AGPAT2: variants seen among roughly 807,000 people sequenced by gnomAD.
AGPAT2 encodes 1-acylglycerol-3-phosphate O-acyltransferase 2, also known as 1-acyl-sn-glycerol-3-phosphate acyltransferase beta.
In AGPAT2, 18 loss-of-function variants were observed where a neutral mutation model predicts 26.1. The ratio of observed to expected loss-of-function variants is 0.69; its 90% CI spans 0.48 to 1.02. AGPAT2 has a LOEUF of 1.02. Ranked by LOEUF, AGPAT2 falls within the 50% of genes least tolerant of loss-of-function variation. The pLI, the probability that AGPAT2 is intolerant of heterozygous loss-of-function variation, is 0.00. For synonymous variants in AGPAT2, 200 were observed against 174.2 expected (o/e 1.15, Z -1.16); for missense variants, 415 against 394.9 (o/e 1.05, Z -0.43).
intron 2 of AGPAT2, 102 bp downstream of exon 2, chr9:136,677,321 A>G: frequency 6.3e-7 from 1 of 1,583,852 alleles, no homozygotes; most frequent in Non-Finnish European, 8.6e-7. Flanking sequence ...TCGCCCAGGC[A>G]CAGGCAGCCC....
chr9:136,683,991 ACAGGAGCCTGCCCTGCAGC>A (rs963355559), intron 1 of AGPAT2, among the ~76,000 whole-genome samples: 4 of 152,180 alleles, frequency 2.6e-5, no homozygotes, highest in Non-Finnish European at 5.9e-5. Context: ...CTCCATGGGG[ACAGGAGCCTGCCCTGCAGC>A]CAGGAGCTGC....
chr9:136,677,215 C>A (rs1286170113), intron 2 of AGPAT2, 79 bp from the exon 3 acceptor site: 2 of 1,560,948 alleles, frequency 1.3e-6, no homozygotes, highest in South Asian at 1.1e-5. Context: ...CACCCACAGG[C>A]CTGCCTGGCA....
At chr9:136,678,011 T>C (rs1360462968) in intron 1 of AGPAT2, among the ~76,000 whole-genome samples, 1 of 152,078 alleles carries the variant, frequency 6.6e-6, no homozygotes, top group Non-Finnish European at 1.5e-5. Context: ...CACTGGCCCC[T>C]CAAGGCAGGG....
Position 136,687,384 on chromosome 9 carries a change from GC to G in AGPAT2, c.-28del. Reference sequence around the variant, plus strand: ...GCCCGGCCCGGCGCCCGACGGCGCCGCCAGCTCGCTCCCGCTCCCGCTCCCG... The same window carrying G: ...GCCCGGCCCGGCGCCCGACGGCGCCGCAGCTCGCTCCCGCTCCCGCTCCCG... On this transcript the variant is annotated 5_prime_UTR_variant, in exon 1 of 6. Coordinates refer to ENST00000371696, the MANE Select transcript of AGPAT2 (RefSeq NM_006412.4). The G allele has an allele frequency of 7.0e-7, 1 of 1,432,916 alleles. No individual in the cohort carries two copies. The highest frequency in any genetic ancestry group is 1.4e-5 in the South Asian group (1 of 70,302). 88.8% of individuals were successfully genotyped at this position (1,432,916 alleles called of 1,614,324 possible). A position where few individuals can be genotyped will look rare whatever the true frequency, so the allele number is the denominator to read the frequency against.
At position 136,674,013 on chromosome 9, in the gene AGPAT2, C is replaced by T. The variant is rs1846052096; in HGVS notation, c.662-86G>A. On this transcript the variant is annotated intron_variant, in intron 5 of 5. Coordinates refer to ENST00000371696, the MANE Select transcript of AGPAT2 (RefSeq NM_006412.4). Reference sequence around the variant, plus strand: ...TGCCCTGGCCTCGCCTCTCCCCAGCCCCCCACAGCCCCTCCCTGGGAAGCC... The same window carrying T: ...TGCCCTGGCCTCGCCTCTCCCCAGCTCCCCACAGCCCCTCCCTGGGAAGCC... 6 of 1,286,880 alleles carry T rather than the reference C, an allele frequency of 4.7e-6. No individual in the cohort carries two copies. The Admixed American group carries it at 1.6e-4, about 35-fold the overall frequency. The allele number at this position is 1,286,880 out of a possible 1,614,324, so 79.7% of individuals were successfully genotyped here. A position where few individuals can be genotyped will look rare whatever the true frequency, so the allele number is the denominator to read the frequency against.
intron 1 of AGPAT2, among the ~76,000 whole-genome samples, chr9:136,686,796 G>A (rs116898124): frequency 6.6e-6 from 1 of 152,244 alleles, no homozygotes; most frequent in African/African-American, 2.4e-5. Context: ...CCCCGGCCTC[G>A]GTTTCCCCGC....
chr9:136,674,608 C>T (rs550611133), intron 5 of AGPAT2, 127 bp downstream of exon 5: 19 of 609,970 alleles, frequency 3.1e-5, no homozygotes, highest in South Asian at 8.2e-5. Context: ...GTCACTCATT[C>T]GCCACATGGT....
At chr9:136,683,230 AAAAAG>A (rs1322368203) in intron 1 of AGPAT2, among the ~76,000 whole-genome samples, 2 of 152,136 alleles carry the variant, frequency 1.3e-5, no homozygotes, top group Admixed American at 1.3e-4. Flanking sequence ...AAAATAAAAA[AAAAAG>A]TCCAAAGTAA....
Position 136,687,433 on chromosome 9 carries a change from C to T in AGPAT2, c.-76G>A. ...CCGCTTCTCCCCCGCGCGCTCAGGCCCCTTATTGCGAGGGCGGCGGGGCTG... is the reference window on the plus strand; with the variant it reads ...CCGCTTCTCCCCCGCGCGCTCAGGCTCCTTATTGCGAGGGCGGCGGGGCTG... On this transcript the variant is annotated 5_prime_UTR_variant, in exon 1 of 6. Transcript: ENST00000371696. 2.4e-6 allele frequency: 3 copies of T among 1,271,768 alleles called. No homozygotes were observed. The highest frequency in any genetic ancestry group is 3.0e-6 in the Non-Finnish European group (3 of 994,140). 78.8% of individuals were successfully genotyped at this position (1,271,768 alleles called of 1,614,324 possible).
rs908117741 is a variant in AGPAT2 at position 136,673,160 on chromosome 9, G to A, written c.*592C>T. 6.6e-6 allele frequency: 1 copy of A among 152,306 alleles called. No homozygotes were observed. The highest frequency in any genetic ancestry group is 1.5e-5 in the Non-Finnish European group (1 of 68,110). The allele number at this position is 152,306 out of a possible 1,614,324, so 9.4% of individuals were successfully genotyped here. A position where few individuals can be genotyped will look rare whatever the true frequency, so the allele number is the denominator to read the frequency against. Reference sequence around the variant, plus strand: ...GCTCCCCAGCCACTTCCAAGAGTGTGTTTATAAAAAAACAGCAACGGAGTA... The same window carrying A: ...GCTCCCCAGCCACTTCCAAGAGTGTATTTATAAAAAAACAGCAACGGAGTA... On this transcript the variant is annotated 3_prime_UTR_variant, in exon 6 of 6. Coordinates refer to ENST00000371696, the MANE Select transcript of AGPAT2 (RefSeq NM_006412.4).
rs6951 is a variant in AGPAT2 at position 136,673,310 on chromosome 9, G to C, written c.*442C>G. On this transcript the variant is annotated 3_prime_UTR_variant, in exon 6 of 6. Transcript: ENST00000371696. ...CTCCAGGCCCCTCCTCTCCCAGAGA[G>C]CCTGATGCAGCTTGTGGGCTGGACC... The C allele has an allele frequency of 0.76, 119,287 of 156,518 alleles. 45,945 individuals carry two copies. The highest frequency in any genetic ancestry group is 0.94 in the East Asian group (5,042 of 5,350). The allele number at this position is 156,518 out of a possible 1,614,324, so 9.7% of individuals were successfully genotyped here.
chr9:136,677,648 G>T, intron 1 of AGPAT2, 92 bp from the exon 2 acceptor site: 3 of 1,506,630 alleles, frequency 2.0e-6, no homozygotes, highest in South Asian at 2.3e-5. Context: ...GGAGGAGGCT[G>T]GGGAGGGGCC....
chr9:136,674,750 T>A lies in AGPAT2; in HGVS notation c.646A>T (p.Lys216Ter), dbSNP rs138994150. Residue 216 changes from lysine to a stop codon, truncating the protein, a stop_gained, in exon 5 of 6, where the codon AAG becomes TAG. Transcript: ENST00000371696. LOFTEE classifies it low-confidence loss of function (END_TRUNC). Reference sequence around the variant, plus strand: ...GTGGGGGTACCTGAAGTGAAGAACTTCTTCTTGGTGTTGTAGAAGGAGGAG... The same window carrying A: ...GTGGGGGTACCTGAAGTGAAGAACTACTTCTTGGTGTTGTAGAAGGAGGAG... ...SFSSFYNTKKKFFTSGTVTVQ... is the reference protein window; with the variant it reads ...SFSSFYNTKK 2.2e-4 allele frequency: 333 copies of A among 1,510,710 alleles called. No homozygotes were observed. In the African/African-American group the frequency reaches 2.9e-3, roughly 13 times the overall value. 93.6% of individuals were successfully genotyped at this position (1,510,710 alleles called of 1,614,324 possible).
rs148018924 is a variant in AGPAT2, at chr9:136,682,049, G to A, written c.183-4493C>T. On this transcript the variant is annotated intron_variant, in intron 1 of 5. Transcript: ENST00000371696. ...ACCCCCCTCTTCAGATGAGGAATGC[G>A]AGGTTCAAGGTTCAGCAAAGTTAAG... is the stretch of plus-strand genomic sequence containing the variant. Among the ~76,000 whole-genome samples, 1,446 of 152,270 alleles carry A rather than the reference G, an allele frequency of 9.5e-3. 29 individuals are homozygous for A. Among genetic ancestry groups the A allele is most frequent in the African/African-American group, 0.033 (1,391 of 41,536 alleles).
At chr9:136,676,101 G>C (rs1846086573) in intron 4 of AGPAT2, among the ~76,000 whole-genome samples, 1 of 152,208 alleles carries the variant, frequency 6.6e-6, no homozygotes, top group Admixed American at 6.5e-5. Context: ...TGGAGGCTGG[G>C]GACCAGGAAG....
At chr9:136,676,546 C>T (rs1286332596) in intron 4 of AGPAT2, 39 bp downstream of exon 4, 2 of 1,571,242 alleles carry the variant, frequency 1.3e-6, no homozygotes, top group African/African-American at 1.4e-5. Flanking sequence ...CCCGCCTCCC[C>T]AGCCTGCACC....
At chr9:136,675,011 C>CA (rs905950489) in intron 4 of AGPAT2, among the ~76,000 whole-genome samples, 4 of 152,322 alleles carry the variant, frequency 2.6e-5, no homozygotes, top group African/African-American at 7.2e-5. Flanking sequence ...GCTCATCCTG[C>CA]AAATTTTTAC....
chr9:136,677,302 A>G, intron 2 of AGPAT2, 121 bp downstream of exon 2: 2 of 1,545,026 alleles, frequency 1.3e-6, no homozygotes, highest in African/African-American at 1.4e-5. Flanking sequence ...GGAGGTACTG[A>G]GGCCGAGCTC....
intron 1 of AGPAT2, among the ~76,000 whole-genome samples, chr9:136,680,502 C>T (rs1217485994): frequency 1.3e-5 from 2 of 151,924 alleles, no homozygotes; most frequent in Non-Finnish European, 2.9e-5. Context: ...GCTGGGATTA[C>T]AGGTGTGAGC....
Sources: allele counts gnomAD v4.1 joint callset (sites outside exome capture counted in the v4.1 genomes callset), GRCh38; gene constraint gnomAD v4.1.1; transcripts MANE v1.5; gene names NCBI Gene and HGNC (gene_info 2026-07-23, HGNC 2026-07-21).